DLGAP1: variants seen among roughly 807,000 people sequenced by gnomAD.
The protein encoded by DLGAP1 is disks large-associated protein 1.
DLGAP1 carries 11 observed loss-of-function variants against 90.8 expected under a neutral mutation model. The observed-to-expected ratio is 0.12, with a 90% confidence interval of 0.08 to 0.20. The LOEUF (loss-of-function observed/expected upper bound fraction) is 0.20, where lower values mean the gene tolerates loss of function less well. Among genes scored for constraint, DLGAP1 ranks in the 10% least tolerant of loss-of-function variants. The pLI is 1.00. For synonymous variants in DLGAP1, 558 were observed against 540.7 expected (o/e 1.03, Z -0.44); for missense variants, 1,050 against 1,333.8 (o/e 0.79, Z 3.31).
At chr18:4,373,780 C>T (rs932795137) in intron 1 of DLGAP1, among the ~76,000 whole-genome samples, 16 of 152,126 alleles carry the variant, frequency 1.1e-4, no homozygotes. Flanking sequence ...AGGGTCCTCC[C>T]TAGACTTGCA....
At chr18:4,278,139 A>C (rs1362107156) in intron 1 of DLGAP1, among the ~76,000 whole-genome samples, 1 of 152,158 alleles carries the variant, frequency 6.6e-6, no homozygotes, top group East Asian at 1.9e-4. Context: ...TTTTAAATAC[A>C]GCATGTTATG....
At chr18:3,967,091 T>C (rs2073347373) in intron 3 of DLGAP1, among the ~76,000 whole-genome samples, 1 of 152,202 alleles carries the variant, frequency 6.6e-6, no homozygotes, top group African/African-American at 2.4e-5. Context: ...ACTAGTCCAC[T>C]GGCTCAAACT....
At chr18:4,241,871 A>G (rs2078541643) in intron 1 of DLGAP1, among the ~76,000 whole-genome samples, 1 of 152,210 alleles carries the variant, frequency 6.6e-6, no homozygotes, top group Admixed American at 6.5e-5. Context: ...TTAGTTTTCT[A>G]AACATTTTTA....
At chr18:3,964,501 G>C (rs2073277624) in intron 3 of DLGAP1, among the ~76,000 whole-genome samples, 1 of 152,178 alleles carries the variant, frequency 6.6e-6, no homozygotes, top group Non-Finnish European at 1.5e-5. Context: ...AGATGACAGA[G>C]TGAGCAATGC....
At chr18:3,547,799 C>T (rs1371485960) in intron 9 of DLGAP1, among the ~76,000 whole-genome samples, 1 of 152,152 alleles carries the variant, frequency 6.6e-6, no homozygotes, top group African/African-American at 2.4e-5. Context: ...TTCATAGCAG[C>T]TCTATTCATG....
chr18:4,224,085 G>T (rs1238978891), intron 1 of DLGAP1, among the ~76,000 whole-genome samples: 2 of 152,112 alleles, frequency 1.3e-5, no homozygotes, highest in African/African-American at 4.8e-5. Flanking sequence ...ACAAAACCTG[G>T]GCCAGAAGGG....
intron 3 of DLGAP1, among the ~76,000 whole-genome samples, chr18:3,918,461 G>C (rs550765786): frequency 4.3e-4 from 65 of 152,252 alleles, no homozygotes; most frequent in African/African-American, 1.5e-3. Flanking sequence ...ATAAAAGTTA[G>C]GTGAGAAGAG....
intron 1 of DLGAP1, among the ~76,000 whole-genome samples, chr18:4,399,786 C>T (rs564860533): frequency 3.9e-5 from 6 of 152,242 alleles, no homozygotes; most frequent in Middle Eastern, 3.4e-3. Flanking sequence ...AGAAGAATAT[C>T]CCTCACTTCA....
At chr18:3,771,441 CTG>C (rs1431764353) in intron 5 of DLGAP1, 1 of 152,322 alleles carries the variant, frequency 6.6e-6, no homozygotes, top group African/African-American at 2.4e-5. Context: ...GAGAGTGCGT[CTG>C]TGTTTCCCCG....
chr18:3,810,750 C>G (rs1598840526), intron 5 of DLGAP1, among the ~76,000 whole-genome samples: 1 of 152,016 alleles, frequency 6.6e-6, no homozygotes, highest in Non-Finnish European at 1.5e-5. Flanking sequence ...ATTTTTGCCT[C>G]TATAGTGTAT....
chr18:4,209,483 C>T (rs935744119), intron 1 of DLGAP1, among the ~76,000 whole-genome samples: 2 of 152,060 alleles, frequency 1.3e-5, no homozygotes, highest in Non-Finnish European at 2.9e-5. Flanking sequence ...AGTCTTTCAA[C>T]TTATTGTTTG....
chr18:3,723,117 G>A (rs1241096619), intron 7 of DLGAP1, among the ~76,000 whole-genome samples: 1 of 152,124 alleles, frequency 6.6e-6, no homozygotes, highest in Non-Finnish European at 1.5e-5. Flanking sequence ...TTGGCTTTGT[G>A]GGCCAAAACA....
chr18:4,438,644 C>T (rs1159495273), intron 1 of DLGAP1, among the ~76,000 whole-genome samples: 2 of 152,004 alleles, frequency 1.3e-5, no homozygotes, highest in Admixed American at 1.3e-4. Flanking sequence ...AGTTTATCTT[C>T]AGCTTCATTT....
chr18:4,171,433 C>T (rs1317243399), intron 1 of DLGAP1, among the ~76,000 whole-genome samples: 1 of 151,910 alleles, frequency 6.6e-6, no homozygotes, highest in Non-Finnish European at 1.5e-5. Context: ...GGCGAGGTGG[C>T]AGGCGCCTGT....
intron 4 of DLGAP1, among the ~76,000 whole-genome samples, chr18:3,854,834 T>C (rs1286001539): frequency 6.6e-6 from 1 of 152,186 alleles, no homozygotes; most frequent in African/African-American, 2.4e-5. Context: ...GGTACTTTGA[T>C]AGAAGTTCAT....
chr18:3,685,698 T>C (rs930943999), intron 7 of DLGAP1, among the ~76,000 whole-genome samples: 6 of 151,990 alleles, frequency 3.9e-5, no homozygotes, highest in African/African-American at 1.5e-4. Flanking sequence ...TCCTCCTGCA[T>C]TGGCTCCCCA....
At chr18:4,007,631 G>T (rs1205608982) in intron 2 of DLGAP1, among the ~76,000 whole-genome samples, 3 of 151,820 alleles carry the variant, frequency 2.0e-5, no homozygotes, top group Admixed American at 2.0e-4. Flanking sequence ...ACTCCAGCCT[G>T]GGTGACAGAA....
At chr18:3,688,994 T>C (rs1192721808) in intron 7 of DLGAP1, among the ~76,000 whole-genome samples, 5 of 152,286 alleles carry the variant, frequency 3.3e-5, no homozygotes, top group Admixed American at 1.3e-4. Flanking sequence ...GCGGATCTGG[T>C]TTCATGCATT....
intron 7 of DLGAP1, among the ~76,000 whole-genome samples, chr18:3,620,087 G>T (rs1298453724): frequency 6.6e-6 from 1 of 152,088 alleles, no homozygotes; most frequent in Non-Finnish European, 1.5e-5. Flanking sequence ...GGGAAAAAAA[G>T]GACTTGGCAG....
Sources: allele counts gnomAD v4.1 joint callset (sites outside exome capture counted in the v4.1 genomes callset), GRCh38; gene constraint gnomAD v4.1.1; transcripts MANE v1.5; gene names NCBI Gene and HGNC (gene_info 2026-07-23, HGNC 2026-07-21).